The following BACH2 variants were observed in gnomAD, a reference collection of about 807,000 sequenced individuals.
BACH2 encodes transcription regulator protein BACH2.
BACH2 carries 5 observed loss-of-function variants against 61.8 expected under a neutral mutation model. The ratio of observed to expected loss-of-function variants is 0.08; its 90% CI spans 0.04 to 0.17. BACH2 has a LOEUF of 0.17. Among genes scored for constraint, BACH2 ranks in the 10% least tolerant of loss-of-function variants. BACH2 has a pLI of 1.00. For synonymous variants in BACH2, 446 were observed against 440.1 expected (o/e 1.01, Z -0.17); for missense variants, 824 against 1,091.1 (o/e 0.76, Z 3.45).
intron 5 of BACH2, among the ~76,000 whole-genome samples, chr6:90,072,414 A>G (rs1310545778): frequency 1.3e-5 from 2 of 152,160 alleles, no homozygotes; most frequent in Non-Finnish European, 2.9e-5. Flanking sequence ...TTTCCCTTCA[A>G]TGCCTCCAGC....
intron 3 of BACH2, among the ~76,000 whole-genome samples, chr6:90,235,660 T>G (rs1770237581): frequency 6.6e-6 from 1 of 152,176 alleles, no homozygotes; most frequent in African/African-American, 2.4e-5. Context: ...TCTAAAAAAT[T>G]TTTTTAAATT....
intron 1 of BACH2, among the ~76,000 whole-genome samples, chr6:90,295,777 G>A (rs1582577795): frequency 6.6e-6 from 1 of 152,156 alleles, no homozygotes; most frequent in Non-Finnish European, 1.5e-5. Context: ...TACGCGGGAC[G>A]CTTTCCGACA....
intron 5 of BACH2, among the ~76,000 whole-genome samples, chr6:90,017,823 T>C (rs1392252914): frequency 6.6e-6 from 1 of 152,240 alleles, no homozygotes; most frequent in Non-Finnish European, 1.5e-5. Context: ...TTGTGAGTTA[T>C]ATTTCCTTGC....
At chr6:89,937,922 A>G (rs1205494831) in intron 8 of BACH2, among the ~76,000 whole-genome samples, 1 of 152,190 alleles carries the variant, frequency 6.6e-6, no homozygotes, top group Non-Finnish European at 1.5e-5. Flanking sequence ...TTGACACACT[A>G]TTACACACCT....
chr6:90,163,121 C>T (rs1002929631), intron 4 of BACH2, among the ~76,000 whole-genome samples: 2 of 152,148 alleles, frequency 1.3e-5, no homozygotes, highest in Non-Finnish European at 2.9e-5. Flanking sequence ...ACACACCAGA[C>T]TTTGGCAGAA....
intron 4 of BACH2, among the ~76,000 whole-genome samples, chr6:90,094,965 T>C (rs1199371259): frequency 6.6e-6 from 1 of 152,174 alleles, no homozygotes; most frequent in Non-Finnish European, 1.5e-5. Context: ...GTTCTAAAAA[T>C]ACAAATTGCA....
intron 5 of BACH2, among the ~76,000 whole-genome samples, chr6:90,086,468 G>C (rs1236385888): frequency 6.6e-6 from 1 of 152,058 alleles, no homozygotes; most frequent in Non-Finnish European, 1.5e-5. Flanking sequence ...AGCAGTTTTA[G>C]GTTCACAGTA....
At chr6:89,975,743 A>G (rs1053320272) in intron 6 of BACH2, among the ~76,000 whole-genome samples, 2 of 152,242 alleles carry the variant, frequency 1.3e-5, no homozygotes, top group African/African-American at 4.8e-5. Context: ...ATAAGGTTGC[A>G]GAGAAAAACA....
At chr6:90,177,525 A>C (rs1768020893) in intron 4 of BACH2, among the ~76,000 whole-genome samples, 1 of 152,206 alleles carries the variant, frequency 6.6e-6, no homozygotes, top group African/African-American at 2.4e-5. Flanking sequence ...AAGTGGTAGA[A>C]TTCTGATTAG....
intron 5 of BACH2, among the ~76,000 whole-genome samples, chr6:90,034,377 A>G (rs1380529351): frequency 6.6e-6 from 1 of 152,054 alleles, no homozygotes; most frequent in Non-Finnish European, 1.5e-5. Context: ...ACTGGACTAG[A>G]CTCTGTAGTC....
chr6:89,933,154 C>T (rs1056704848), intron 8 of BACH2, among the ~76,000 whole-genome samples: 5 of 152,082 alleles, frequency 3.3e-5, no homozygotes, highest in Non-Finnish European at 5.9e-5. Flanking sequence ...CCGGCAAAAT[C>T]GTCACGAATC....
chr6:90,081,527 T>G (rs1050512508), intron 5 of BACH2, among the ~76,000 whole-genome samples: 2 of 152,168 alleles, frequency 1.3e-5, no homozygotes, highest in African/African-American at 4.8e-5. Flanking sequence ...CATTCATCTG[T>G]CACTGAAGAG....
At chr6:90,034,582 T>A (rs570581640) in intron 5 of BACH2, among the ~76,000 whole-genome samples, 1 of 152,342 alleles carries the variant, frequency 6.6e-6, no homozygotes, top group South Asian at 2.1e-4. Context: ...TATACAAGAC[T>A]GATTCTGATT....
chr6:90,205,911 G>A (rs762777095), intron 4 of BACH2, among the ~76,000 whole-genome samples: 20 of 152,106 alleles, frequency 1.3e-4, no homozygotes, highest in Non-Finnish European at 2.1e-4. Flanking sequence ...TGTATTCTTC[G>A]TTTATTCCCA....
intron 3 of BACH2, among the ~76,000 whole-genome samples, chr6:90,242,983 G>A (rs886709918): frequency 1.9e-4 from 28 of 150,286 alleles, no homozygotes; most frequent in Non-Finnish European, 3.0e-4. Context: ...GAGTTCAAGC[G>A]ATTCTCCTGT....
At chr6:90,132,701 C>T (rs528165332) in intron 4 of BACH2, among the ~76,000 whole-genome samples, 42 of 152,316 alleles carry the variant, frequency 2.8e-4, no homozygotes, top group African/African-American at 1.0e-3. Context: ...GTCAGGGACA[C>T]CACCATTAAG....
chr6:90,106,664 T>C (rs1224414948), intron 4 of BACH2, among the ~76,000 whole-genome samples: 1 of 152,198 alleles, frequency 6.6e-6, no homozygotes, highest in Non-Finnish European at 1.5e-5. Flanking sequence ...GACAGGCATT[T>C]TGGGGATCAG....
In BACH2 at chr6:90,008,902, T is replaced by TCCTA; in HGVS notation, c.-12-47_-12-46insTAGG. 6.3e-7 allele frequency: 1 copy of TCCTA among 1,592,606 alleles called. No homozygotes were observed. The highest frequency in any genetic ancestry group is 8.6e-7 in the Non-Finnish European group (1 of 1,167,712). On this transcript the variant is annotated intron_variant, in intron 5 of 8. Transcript: ENST00000257749. The surrounding 1 kb of genome is among the most constrained non-coding windows in gnomAD (Gnocchi z 4.1). ...AAGAAAGAAAGAAAGAAAGGCTGAG[T>TCCTA]CACCACAGCTGTAGGATCAGAGAGA...
intron 5 of BACH2, among the ~76,000 whole-genome samples, chr6:90,028,296 C>G (rs1275902815): frequency 5.3e-5 from 8 of 152,236 alleles, no homozygotes; most frequent in Non-Finnish European, 1.0e-4. Flanking sequence ...ATAGTTCACT[C>G]TCATGCCAAA....
Sources: gnomAD v4.1 joint callset for allele counts (sites outside exome capture counted in the v4.1 genomes callset) on GRCh38, gnomAD v4.1.1 for gene constraint, Gnocchi (gnomAD v3.1) non-coding constraint, MANE v1.5 for transcripts, NCBI Gene and HGNC (gene_info 2026-07-23, HGNC 2026-07-21) for gene names.